The following NAV2 variants were observed in gnomAD, a reference collection of about 807,000 sequenced individuals.
NAV2 encodes helicase, APC down-regulated 1.
Under a neutral mutation model 223.2 loss-of-function variants are expected in NAV2, and 54 were observed. That is an observed-to-expected ratio of 0.24 (90% confidence interval 0.19 to 0.30). NAV2 has a LOEUF of 0.30. Among genes scored for constraint, NAV2 ranks in the 10% least tolerant of loss-of-function variants. The pLI is 1.00. For missense variants in NAV2, 2,806 were observed against 3,147.5 expected (o/e 0.89, Z 2.60); for synonymous variants, 1,279 against 1,239.3 (o/e 1.03, Z -0.67).
intron 2 of NAV2, among the ~76,000 whole-genome samples, chr11:19,837,582 C>A (rs142255930): frequency 9.2e-5 from 14 of 152,182 alleles, no homozygotes; most frequent in African/African-American, 3.4e-4. Flanking sequence ...GAGAAGAACA[C>A]AACATCAGTT....
chr11:19,622,482 G>A (rs1302368421), intron 1 of NAV2, among the ~76,000 whole-genome samples: 2 of 152,180 alleles, frequency 1.3e-5, no homozygotes, highest in Admixed American at 1.3e-4. Flanking sequence ...AGCTCTTCTT[G>A]TTGAATTGAT....
At position 19,697,169 on chromosome 11, in the gene NAV2, C is replaced by T. The variant is rs145364098; in HGVS notation, c.76-135315C>T. ...GGAGGTCATTATCCTAGCAAACTAA[C>T]GTAAGAATGGAAAACCAAATATCGC... On this transcript the variant is annotated intron_variant, in intron 1 of 37. Transcript: ENST00000360655. 5.1e-4 allele frequency among the ~76,000 whole-genome samples: 78 copies of T among 152,264 alleles called. 1 individual carries two copies. In the East Asian group the frequency reaches 9.5e-3, roughly 18 times the overall value.
At chr11:19,984,063 T>G in intron 10 of NAV2, 62 bp from the exon 11 acceptor site, 2 of 1,610,266 alleles carry the variant, frequency 1.2e-6, no homozygotes, top group African/African-American at 1.3e-5. Flanking sequence ...TGGATATGAA[T>G]GCAAGCCTGG....
chr11:20,051,295 G>T lies in NAV2; in HGVS notation c.4443G>T (p.Pro1481=), dbSNP rs376319838. ...TGTTTTAACTTTCCTACAGTGACCC[G>T]CACCTTGATAGGAACACTTTGCCTA... ...STLPRKQDSD[P]HLDRNTLPKK... The change falls in exon 17 of 38, where the codon CCG becomes CCT. Residue 1481 remains proline, a synonymous_variant. Coordinates refer to ENST00000349880, the MANE Select transcript of NAV2 (RefSeq NM_145117.5). The T allele has an allele frequency of 6.4e-5, 104 of 1,613,626 alleles. No individual in the cohort carries two copies. The highest frequency in any genetic ancestry group is 8.3e-5 in the Non-Finnish European group (98 of 1,179,774).
intron 1 of NAV2, among the ~76,000 whole-genome samples, chr11:19,616,506 G>A (rs192509034): frequency 6.4e-4 from 97 of 152,162 alleles, no homozygotes; most frequent in Admixed American, 1.4e-3. Context: ...TTGCTCCCGC[G>A]GAGCAGGGAG....
Position 20,119,646 on chromosome 11 carries a change from CTG to C in NAV2, c.*1392_*1393del, listed in dbSNP as rs1735789134. The C allele has an allele frequency of 6.6e-6, 1 of 152,520 alleles. No individual in the cohort carries two copies. The highest frequency in any genetic ancestry group is 2.1e-4 in the South Asian group (1 of 4,822). 9.4% of individuals were successfully genotyped at this position (152,520 alleles called of 1,614,324 possible). On this transcript the variant is annotated 3_prime_UTR_variant, in exon 38 of 38. Coordinates refer to ENST00000349880, the MANE Select transcript of NAV2 (RefSeq NM_145117.5). ...TGATGCCTTACTGGTTTTGTACTAA[CTG>C]TGTTCATTTTACATAAGTGTCGTGC...
At chr11:19,448,252 T>C (rs774537482) in intron 1 of NAV2, among the ~76,000 whole-genome samples, 55 of 151,210 alleles carry the variant, frequency 3.6e-4, no homozygotes, top group South Asian at 2.3e-3. Context: ...TGAGGAGGTG[T>C]GGGCAGGCAG....
chr11:19,448,553 G>A (rs1274895180), intron 1 of NAV2, among the ~76,000 whole-genome samples: 1 of 152,196 alleles, frequency 6.6e-6, no homozygotes, highest in Non-Finnish European at 1.5e-5. Flanking sequence ...CTGGCACGTG[G>A]TTCTTCATGG....
chr11:19,776,787 G>A, intron 1 of NAV2, among the ~76,000 whole-genome samples: 1 of 151,878 alleles, frequency 6.6e-6, no homozygotes, highest in Admixed American at 6.6e-5. Flanking sequence ...AAGAAAATGC[G>A]GATGGAGATG....
chr11:19,778,643 A>G (rs972640113), intron 1 of NAV2, among the ~76,000 whole-genome samples: 6 of 152,100 alleles, frequency 3.9e-5, no homozygotes, highest in African/African-American at 1.4e-4. Flanking sequence ...GAAAAATGGC[A>G]CCTTGCTTTT....
At chr11:19,680,349 G>A (rs113943588) in intron 1 of NAV2, among the ~76,000 whole-genome samples, 3,016 of 152,262 alleles carry the variant, frequency 0.02, 49 homozygotes, top group Middle Eastern at 0.037. Flanking sequence ...TAAGGCTGTC[G>A]CCTCCCGCCA....
chr11:19,980,860 T>C (rs2050228311), intron 10 of NAV2, among the ~76,000 whole-genome samples: 1 of 152,216 alleles, frequency 6.6e-6, no homozygotes, highest in Middle Eastern at 3.2e-3. Flanking sequence ...AATTAATTTC[T>C]TGAGTGTGAG....
At chr11:19,962,629 T>G (rs548245638) in intron 10 of NAV2, among the ~76,000 whole-genome samples, 1 of 152,338 alleles carries the variant, frequency 6.6e-6, no homozygotes, top group South Asian at 2.1e-4. Flanking sequence ...CTTCGTCCCC[T>G]GGGTCCTGGT....
chr11:19,502,053 G>A (rs1038109054), intron 1 of NAV2, among the ~76,000 whole-genome samples: 13 of 152,300 alleles, frequency 8.5e-5, no homozygotes, highest in African/African-American at 2.6e-4. Context: ...GAAGCCATAC[G>A]AGGCACTGAG....
chr11:19,872,775 G>A (rs994722578), intron 4 of NAV2, among the ~76,000 whole-genome samples: 2 of 152,246 alleles, frequency 1.3e-5, no homozygotes, highest in East Asian at 1.9e-4. Flanking sequence ...GACGGCGGAT[G>A]CTTGGGGGCA....
At chr11:19,925,579 T>C (rs2044673640) in intron 6 of NAV2, among the ~76,000 whole-genome samples, 1 of 152,126 alleles carries the variant, frequency 6.6e-6, no homozygotes, top group Non-Finnish European at 1.5e-5. Context: ...TGAAACCCTG[T>C]CTCTACTAAA....
At chr11:19,764,482 T>G (rs1456544416) in intron 1 of NAV2, among the ~76,000 whole-genome samples, 1 of 152,170 alleles carries the variant, frequency 6.6e-6, no homozygotes, top group Non-Finnish European at 1.5e-5. Flanking sequence ...TAGACACAGA[T>G]GTATTGTTCA....
chr11:19,500,295 T>C (rs377601398), intron 1 of NAV2, among the ~76,000 whole-genome samples: 287 of 152,018 alleles, frequency 1.9e-3, no homozygotes, highest in Middle Eastern at 3.4e-3. Context: ...GTCATAAGAG[T>C]GAGCTGAGCC....
rs548810309 is a variant in NAV2 at position 20,070,664 on chromosome 11, C to T, written c.4983+2266C>T. On this transcript the variant is annotated intron_variant, in intron 22 of 37. Transcript: ENST00000349880. Reference sequence around the variant, plus strand: ...CGCAAACCAAGCTGTGTTTGTTTTTCTAGGGCAAACTACTCAAAACCACCT... The same window carrying T: ...CGCAAACCAAGCTGTGTTTGTTTTTTTAGGGCAAACTACTCAAAACCACCT... Among the ~76,000 whole-genome samples the T allele has an allele frequency of 3.2e-3, 485 of 152,320 alleles. 5 individuals are homozygous for T. Among genetic ancestry groups the T allele is most frequent in the African/African-American group, 0.011 (462 of 41,572 alleles).
Sources: allele counts gnomAD v4.1 joint callset (sites outside exome capture counted in the v4.1 genomes callset), GRCh38; gene constraint gnomAD v4.1.1; transcripts MANE v1.5; gene names NCBI Gene and HGNC (gene_info 2026-07-23, HGNC 2026-07-21).